ASIC2: variants seen among roughly 807,000 people sequenced by gnomAD.
ASIC2 encodes acid sensing ion channel subunit 2.
A neutral mutation model predicts 57.3 loss-of-function variants in ASIC2; 25 were observed. The ratio of observed to expected loss-of-function variants is 0.44; its 90% CI spans 0.32 to 0.61. The LOEUF (loss-of-function observed/expected upper bound fraction) is 0.61. Ranked by LOEUF, ASIC2 falls within the 20% of genes least tolerant of loss-of-function variation. The probability of loss-of-function intolerance (pLI) is 0.06; values close to 1 mark genes in which losing one functional copy is unlikely to be tolerated. For missense variants in ASIC2, 641 were observed against 738.1 expected, an observed-to-expected ratio of 0.87 and a Z score of 1.52; for synonymous variants, 319 against 307.5, an observed-to-expected ratio of 1.04 and a Z score of -0.39.
intron 3 of ASIC2, among the ~76,000 whole-genome samples, chr17:33,032,438 C>CTTTT (rs1336737148): frequency 4.3e-4 from 36 of 83,608 alleles, no homozygotes; most frequent in South Asian, 7.8e-4. Flanking sequence ...CTATAATACA[C>CTTTT]TGTTTTTTTT....
chr17:33,086,712 C>T (rs2092135119), intron 3 of ASIC2, among the ~76,000 whole-genome samples: 1 of 152,124 alleles, frequency 6.6e-6, no homozygotes, highest in South Asian at 2.1e-4. Context: ...AAGTGCCTGC[C>T]TGAGAAAACT....
chr17:33,221,181 T>C (rs9944445), intron 1 of ASIC2, among the ~76,000 whole-genome samples: 108,747 of 152,116 alleles, frequency 0.71, 39,106 homozygotes, highest in Middle Eastern at 0.8. Flanking sequence ...CCTGGCTCTG[T>C]TGTAAATCCA....
intron 1 of ASIC2, among the ~76,000 whole-genome samples, chr17:34,024,603 G>C (rs887001490): frequency 2.0e-5 from 3 of 152,226 alleles, no homozygotes; most frequent in African/African-American, 7.2e-5. Flanking sequence ...AGAAACTCTT[G>C]CATTTCCCAG....
Position 34,156,019 on chromosome 17 carries a change from T to C in ASIC2, c.514A>G (p.Lys172Glu). The change falls in exon 1 of 10, where the codon AAG becomes GAG. Residue 172 changes from lysine to glutamate, a missense_variant. Lys to Glu is a moderately conservative substitution (Grantham distance 56). Transcript: ENST00000359872. The surrounding 1 kb of genome is among the most constrained non-coding windows in gnomAD (Gnocchi z 4.4). ...TGGCCGCACTCCTGCCCTTTGAACT[T>C]GCAGTAGAGCATCATATCCTTCAGG... 1 of 1,613,542 alleles carries C rather than the reference T, an allele frequency of 6.2e-7. No homozygotes were observed. The highest frequency in any genetic ancestry group is 8.5e-7 in the Non-Finnish European group (1 of 1,179,814).
intron 1 of ASIC2, among the ~76,000 whole-genome samples, chr17:34,017,445 A>C (rs1299966546): frequency 6.6e-6 from 1 of 152,230 alleles, no homozygotes; most frequent in Non-Finnish European, 1.5e-5. Context: ...AATGCTTTCT[A>C]AATATTCAAG....
intron 1 of ASIC2, among the ~76,000 whole-genome samples, chr17:33,401,701 A>G (rs766329192): frequency 3.3e-5 from 5 of 152,242 alleles, no homozygotes; most frequent in Non-Finnish European, 7.3e-5. Flanking sequence ...TTAAATGACC[A>G]TAAAATCTTT....
intron 1 of ASIC2, among the ~76,000 whole-genome samples, chr17:33,602,727 C>T (rs1367762340): frequency 6.6e-6 from 1 of 152,214 alleles, no homozygotes; most frequent in South Asian, 2.1e-4. Context: ...GCCACACAAG[C>T]CTCTCCTGTC....
chr17:33,753,112 T>C (rs1355590341), intron 1 of ASIC2, among the ~76,000 whole-genome samples: 2 of 152,238 alleles, frequency 1.3e-5, no homozygotes, highest in Non-Finnish European at 2.9e-5. Context: ...GACAATGGAA[T>C]ATTATTCAGT....
chr17:33,017,351 T>A (rs1347218702), intron 8 of ASIC2, among the ~76,000 whole-genome samples: 1 of 152,152 alleles, frequency 6.6e-6, no homozygotes, highest in African/African-American at 2.4e-5. Flanking sequence ...CCTGCCAGTG[T>A]AGATGGCCCA....
intron 1 of ASIC2, among the ~76,000 whole-genome samples, chr17:33,307,003 G>A (rs1046535970): frequency 6.6e-6 from 1 of 151,840 alleles, no homozygotes; most frequent in East Asian, 1.9e-4. Flanking sequence ...TTTTCTTCTT[G>A]AAAAAACTCC....
At chr17:33,927,945 A>C (rs1451466274) in intron 1 of ASIC2, among the ~76,000 whole-genome samples, 1 of 152,236 alleles carries the variant, frequency 6.6e-6, no homozygotes, top group Non-Finnish European at 1.5e-5. Context: ...AATCTAGGCA[A>C]GAGGTATCAG....
chr17:33,775,001 G>T (rs1264522110), intron 1 of ASIC2, among the ~76,000 whole-genome samples: 1 of 152,200 alleles, frequency 6.6e-6, no homozygotes, highest in Admixed American at 6.5e-5. Flanking sequence ...AATCCAGGAG[G>T]ACAGAGTATC....
rs1232970450 is a variant in ASIC2, at chr17:33,387,072, G to A, written c.556-275005C>T. Among the ~76,000 whole-genome samples the A allele has an allele frequency of 3.3e-5, 5 of 152,248 alleles. No individual in the cohort carries two copies. In the South Asian group the frequency reaches 1.0e-3, roughly 32 times the overall value. On this transcript the variant is annotated intron_variant, in intron 1 of 9. Transcript: ENST00000359872. Reference sequence around the variant, plus strand: ...CCGGCTAATTTTTGTGTTTTTAGTAGAGATGGGGTTTCACCATGTTGGCCA... The same window carrying A: ...CCGGCTAATTTTTGTGTTTTTAGTAAAGATGGGGTTTCACCATGTTGGCCA...
intron 1 of ASIC2, chr17:33,792,404 A>T (rs28696228): frequency 6.6e-6 from 1 of 152,000 alleles, no homozygotes; most frequent in Admixed American, 6.6e-5. Flanking sequence ...GCTATTTCTC[A>T]TTGGGGGTGG....
At chr17:33,231,422 C>G (rs1399079693) in intron 1 of ASIC2, among the ~76,000 whole-genome samples, 1 of 152,150 alleles carries the variant, frequency 6.6e-6, no homozygotes, top group Non-Finnish European at 1.5e-5. Flanking sequence ...TACAGAGGTG[C>G]ATGGCTGGAT....
rs569942802 is a variant in ASIC2 at position 33,761,369 on chromosome 17, A to G, written c.555+394609T>C. On this transcript the variant is annotated intron_variant, in intron 1 of 9. Transcript: ENST00000359872. ...TTTGGAATGGGTGCTGGCTGAATGA[A>G]GGAGCTCTGTAGGGAATCCGGGGGC... Among the ~76,000 whole-genome samples, 3 of 152,242 alleles carry G rather than the reference A, an allele frequency of 2.0e-5. No individual in the cohort carries two copies. The South Asian group carries it at 6.2e-4, about 32-fold the overall frequency.
Position 33,370,125 on chromosome 17 carries a change from G to A in ASIC2, c.556-258058C>T, listed in dbSNP as rs554645613. Among the ~76,000 whole-genome samples, 12 of 152,272 alleles carry A rather than the reference G, an allele frequency of 7.9e-5. 1 individual carries two copies. In the East Asian group the frequency reaches 1.7e-3, roughly 22 times the overall value. ...AGACCAGGCAGCATTCCCCAGGACA[G>A]CCACCTTAGGGACAGGCTGATGGGA... On this transcript the variant is annotated intron_variant, in intron 1 of 9. Coordinates refer to the ASIC2 transcript ENST00000359872.
intron 1 of ASIC2, among the ~76,000 whole-genome samples, chr17:33,283,238 T>G (rs926036012): frequency 3.3e-5 from 5 of 152,234 alleles, no homozygotes; most frequent in African/African-American, 1.2e-4. Flanking sequence ...ATAGATCCAA[T>G]GAATCGGTAT....
At position 33,255,028 on chromosome 17, in the gene ASIC2, C is replaced by CTTTTTTT. The variant is rs1173076413; in HGVS notation, c.708+36373_708+36379dup. Among the ~76,000 whole-genome samples the CTTTTTTT allele has an allele frequency of 5.4e-4, 40 of 73,980 alleles. 3 individuals are homozygous for CTTTTTTT. The highest frequency in any genetic ancestry group is 1.7e-3 in the African/African-American group (30 of 17,360). 48.5% of individuals were successfully genotyped at this position (73,980 alleles called of 152,430 possible). A position where few individuals can be genotyped will look rare whatever the true frequency, so the allele number is the denominator to read the frequency against. On this transcript the variant is annotated intron_variant, in intron 1 of 9. Transcript: ENST00000225823. ...GACAAAATGCTATTTAGAAAGAAATCTTTTTTTTTTTTTTTTTTTTTTTTT... is the reference window on the plus strand; with the variant it reads ...GACAAAATGCTATTTAGAAAGAAATCTTTTTTTTTTTTTTTTTTTTTTTTTTTTTTTT...
Sources: gnomAD v4.1 joint callset for allele counts (sites outside exome capture counted in the v4.1 genomes callset) on GRCh38, gnomAD v4.1.1 for gene constraint, Gnocchi (gnomAD v3.1) non-coding constraint, MANE v1.5 for transcripts, NCBI Gene and HGNC (gene_info 2026-07-23, HGNC 2026-07-21) for gene names.